The following CLDN7 variants were observed in gnomAD, a reference collection of about 807,000 sequenced individuals.
CLDN7 encodes claudin-7.
CLDN7 carries 15 observed loss-of-function variants against 20.3 expected under a neutral mutation model. The ratio of observed to expected loss-of-function variants is 0.74; its 90% CI spans 0.49 to 1.14. The LOEUF (loss-of-function observed/expected upper bound fraction) is 1.14. CLDN7 is among the 50% of genes most tolerant of loss of function. The pLI is 0.00. For missense variants in CLDN7, 261 were observed against 274.2 expected (o/e 0.95, Z 0.34); for synonymous variants, 117 against 106.1 (o/e 1.10, Z -0.63).
chr17:7,261,130 G>A, intron 1 of CLDN7, 145 bp from the exon 2 acceptor site: 1 of 1,130,422 alleles, frequency 8.8e-7, no homozygotes, highest in South Asian at 1.6e-5. Flanking sequence ...AGGTGTCCAA[G>A]ACCTGGGCCA....
Position 7,260,713 on chromosome 17 carries a change from C to G in CLDN7, c.402G>C (p.Leu134Phe). The G allele has an allele frequency of 1.9e-6, 3 of 1,614,204 alleles. No individual in the cohort carries two copies. Among genetic ancestry groups the G allele is most frequent in the Non-Finnish European group, 2.5e-6 (3 of 1,180,046 alleles). ...IIFIVAGLAA[L>F]VACSWYGHQI... is the part of the protein sequence containing the mutation. The stretch of plus-strand genomic sequence containing the variant: ...GATGGCCATACCAGGAGCAAGCTAC[C>G]AAGGCGGCAAGACCTGGAGACAGAA... Residue 134 changes from leucine to phenylalanine, a missense_variant, in exon 3 of 4, where the codon TTG becomes TTC. By Grantham distance (22) the Leu-to-Phe change is conservative (BLOSUM62 0). Around this residue, in one of 2 missense-constraint regions of CLDN7, gnomAD observed 215 missense variants for 199.6 expected, o/e 1.08. Coordinates refer to ENST00000360325, the MANE Select transcript of CLDN7 (RefSeq NM_001307.6).
At position 7,262,294 on chromosome 17, in the gene CLDN7, T is replaced by C. The variant is rs562531705; in HGVS notation, c.-251A>G. 13 of 1,372,796 alleles carry C rather than the reference T, an allele frequency of 9.5e-6. No individual in the cohort carries two copies. In the Admixed American group the frequency reaches 3.7e-4, roughly 39 times the overall value. 85.0% of individuals were successfully genotyped at this position (1,372,796 alleles called of 1,614,324 possible). On this transcript the variant is annotated 5_prime_UTR_variant, in exon 1 of 4. Transcript: ENST00000360325. The surrounding 1 kb of genome is among the most constrained non-coding windows in gnomAD (Gnocchi z 6.6). ...GCCGGGAGGGTGGTTCCAGACAAAA[T>C]TGGTGGTCCCCGAAGGCCAGGCGGT...
rs757414858 is a variant in CLDN7, at chr17:7,260,859, C to T, written c.350G>A (p.Arg117His). Residue 117 changes from arginine (R) to histidine (H), a missense_variant, in exon 2 of 4, where the codon CGT (arginine) becomes CAT (histidine). By Grantham distance (29) the Arg-to-His change is conservative. Coordinates refer to ENST00000360325, the MANE Select transcript of CLDN7 (RefSeq NM_001307.6). The part of the protein sequence containing the change: ...CGGDDKVKKA[R>H]IAMGGGIIFI... ...AATTATGCCTCCACCCATGGCTATA[C>T]GGGCCTTCTTCACTTTGTCGTCTCC... 2.5e-6 allele frequency: 4 copies of T among 1,614,238 alleles called. No individual in the cohort carries two copies. Among genetic ancestry groups the T allele is most frequent in the Admixed American group, 3.3e-5 (2 of 60,030 alleles).
At position 7,261,980 on chromosome 17, in the gene CLDN7, C is replaced by G; in HGVS notation, c.64G>C (p.Val22Leu). The stretch of plus-strand genomic sequence containing the variant: ...CACTGCGGGATGGCGGTGCAGGCCA[C>G]CAGACCCACCCAGCCCAGCAGGGCC... ...SMALLGWVGLVACTAIPQWQM... is the reference protein window; with the variant it reads ...SMALLGWVGLLACTAIPQWQM... Residue 22 changes from valine to leucine, a missense_variant, in exon 1 of 4, where the codon GTG becomes CTG. This residue lies in a region of CLDN7 where 46 missense variants were observed against 74.6 expected (regional missense o/e 0.62). Coordinates refer to ENST00000360325, the MANE Select transcript of CLDN7 (RefSeq NM_001307.6). 1 of 1,614,080 alleles carries G rather than the reference C, an allele frequency of 6.2e-7. No homozygotes were observed. The highest frequency in any genetic ancestry group is 8.5e-7 in the Non-Finnish European group (1 of 1,180,038).
Position 7,262,302 on chromosome 17 carries a change from C to T in CLDN7, c.-259G>A. 5.9e-6 allele frequency: 8 copies of T among 1,363,716 alleles called. No homozygotes were observed. Among genetic ancestry groups the T allele is most frequent in the Non-Finnish European group, 7.6e-6 (8 of 1,055,688 alleles). The allele number at this position is 1,363,716 out of a possible 1,614,324, so 84.5% of individuals were successfully genotyped here. A position where few individuals can be genotyped will look rare whatever the true frequency, so the allele number is the denominator to read the frequency against. On this transcript the variant is annotated 5_prime_UTR_variant, in exon 1 of 4. Coordinates refer to ENST00000360325, the MANE Select transcript of CLDN7 (RefSeq NM_001307.6). This position sits in a 1 kb window ranked among gnomAD's most constrained non-coding sequence, Gnocchi z 6.6. The stretch of plus-strand genomic sequence containing the variant: ...GGTGGTTCCAGACAAAATTGGTGGT[C>T]CCCGAAGGCCAGGCGGTTCCCTCCG...
chr17:7,261,708 T>A, intron 1 of CLDN7, 113 bp downstream of exon 1: 4 of 547,866 alleles, frequency 7.3e-6, no homozygotes, highest in East Asian at 9.1e-5. Context: ...TTCCTCGCCC[T>A]GCAGCTCCCC....
chr17:7,260,916 G>T lies in CLDN7; in HGVS notation c.293C>A (p.Ala98Asp). The T allele has an allele frequency of 6.2e-7, 1 of 1,614,146 alleles. No individual in the cohort carries two copies. The highest frequency in any genetic ancestry group is 1.1e-5 in the South Asian group (1 of 91,090). Residue 98 changes from alanine (A) to aspartate (D), a missense_variant, in exon 2 of 4, where the codon GCC becomes GAC. Coordinates refer to ENST00000360325, the MANE Select transcript of CLDN7 (RefSeq NM_001307.6). Reference protein sequence around the residue: ...LVLGFLAMFVATMGMKCTRCG... With the variant: ...LVLGFLAMFVDTMGMKCTRCG... Reference sequence around the variant, plus strand: ...GCGCGTGCACTTCATGCCCATCGTGGCCACAAACATGGCCAGGAAGCCCAG... The same window carrying T: ...GCGCGTGCACTTCATGCCCATCGTGTCCACAAACATGGCCAGGAAGCCCAG...
rs2143002481 is a variant in CLDN7, at chr17:7,262,153, T to C, written c.-110A>G. 1 of 1,475,008 alleles carries C rather than the reference T, an allele frequency of 6.8e-7. No homozygotes were observed. The highest frequency in any genetic ancestry group is 1.4e-5 in the South Asian group (1 of 71,866). The allele number at this position is 1,475,008 out of a possible 1,614,324, so 91.4% of individuals were successfully genotyped here. ...GAAAACTTGAGGTGGAGTTTTCCGG[T>C]CACCCAAAGAGACAAAAAGGGTTTG... On this transcript the variant is annotated 5_prime_UTR_variant, in exon 1 of 4. Coordinates refer to ENST00000360325, the MANE Select transcript of CLDN7 (RefSeq NM_001307.6). The surrounding 1 kb of genome is among the most constrained non-coding windows in gnomAD (Gnocchi z 6.6).
rs1328383401 is a variant in CLDN7 at position 7,260,974 on chromosome 17, C to T, written c.235G>A (p.Ala79Thr). ...GAGACCACCATTAGGGCTCGAGTGG[C>T]CTGCAAGGCCGCTGCGGGCGAGGGG... ...SVLALSAALQ[A>T]TRALMVVSLV... Residue 79 changes from alanine to threonine, a missense_variant, in exon 2 of 4, where the codon GCC (alanine) becomes ACC (threonine). This residue lies in a region of CLDN7 where 215 missense variants were observed against 199.6 expected (regional missense o/e 1.08). Coordinates refer to ENST00000360325, the MANE Select transcript of CLDN7 (RefSeq NM_001307.6). 6.2e-7 allele frequency: 1 copy of T among 1,611,128 alleles called. No homozygotes were observed. The highest frequency in any genetic ancestry group is 8.5e-7 in the Non-Finnish European group (1 of 1,179,574).
Position 7,260,963 on chromosome 17 carries a change from G to A in CLDN7, c.246C>T (p.Ala82=). 1 of 1,612,764 alleles carries A rather than the reference G, an allele frequency of 6.2e-7. No homozygotes were observed. The highest frequency in any genetic ancestry group is 8.5e-7 in the Non-Finnish European group (1 of 1,179,932). Residue 82 remains alanine, a synonymous_variant, in exon 2 of 4, where the codon GCC becomes GCT. Coordinates refer to ENST00000360325, the MANE Select transcript of CLDN7 (RefSeq NM_001307.6). ...ALSAALQATR[A]LMVVSLVLGF... Reference sequence around the variant, plus strand: ...CCAGCACCAGGGAGACCACCATTAGGGCTCGAGTGGCCTGCAAGGCCGCTG... The same window carrying A: ...CCAGCACCAGGGAGACCACCATTAGAGCTCGAGTGGCCTGCAAGGCCGCTG...
rs937900774 is a variant in CLDN7 at position 7,259,967 on chromosome 17, G to A, written c.*407C>T. 1.9e-5 allele frequency: 7 copies of A among 368,708 alleles called. No individual in the cohort carries two copies. Among genetic ancestry groups the A allele is most frequent in the Non-Finnish European group, 1.4e-5 (3 of 208,568 alleles). 22.8% of individuals were successfully genotyped at this position (368,708 alleles called of 1,614,324 possible). On this transcript the variant is annotated 3_prime_UTR_variant, in exon 4 of 4. Transcript: ENST00000360325. ...TACTTTGGTAGCTATTTAAATAAGA[G>A]GGGGGTGGGAATGAATGTCGAGATA... is the stretch of plus-strand genomic sequence containing the variant.
In CLDN7 at chr17:7,260,377, C is replaced by T. The variant is rs764449775; in HGVS notation, c.633G>A (p.Val211=). ...GCTGGGGCAAGGAGATCCCAGGTCACACATACTCCTTGGAAGAGTTGGACT... is the reference window on the plus strand; with the variant it reads ...GCTGGGGCAAGGAGATCCCAGGTCATACATACTCCTTGGAAGAGTTGGACT... The part of the protein sequence containing the change: ...YPKSNSSKEY[V] The change falls in exon 4 of 4, where the codon GTG becomes GTA. Residue 211 remains valine, a synonymous_variant. Coordinates refer to ENST00000360325, the MANE Select transcript of CLDN7 (RefSeq NM_001307.6). 1.2e-6 allele frequency: 2 copies of T among 1,605,904 alleles called. No homozygotes were observed. The highest frequency in any genetic ancestry group is 1.7e-6 in the Non-Finnish European group (2 of 1,175,576).
In CLDN7 at chr17:7,260,972, G is replaced by A; in HGVS notation, c.237C>T (p.Ala79=). ...GGGAGACCACCATTAGGGCTCGAGT[G>A]GCCTGCAAGGCCGCTGCGGGCGAGG... The part of the protein sequence containing the change: ...SVLALSAALQ[A]TRALMVVSLV... Residue 79 remains alanine, a synonymous_variant, in exon 2 of 4, where the codon GCC becomes GCT. Transcript: ENST00000360325. 1 of 1,611,108 alleles carries A rather than the reference G, an allele frequency of 6.2e-7. No individual in the cohort carries two copies. Among genetic ancestry groups the A allele is most frequent in the Non-Finnish European group, 8.5e-7 (1 of 1,179,548 alleles).
upstream of CLDN7, chr17:7,262,935 C>CT (rs137931761): frequency 0.14 from 21,707 of 153,736 alleles, 1,894 homozygotes; most frequent in South Asian, 0.26. The surrounding 1 kb of genome is among the most constrained non-coding windows in gnomAD (Gnocchi z 6.6). Flanking sequence ...CGCTGCTCTC[C>CT]TTTTTTTTCC....
intron 1 of CLDN7, 39 bp downstream of exon 1, chr17:7,261,782 G>T: frequency 6.2e-7 from 1 of 1,601,364 alleles, no homozygotes; most frequent in African/African-American, 1.3e-5. Flanking sequence ...CGCCACCTCG[G>T]TCAAGGGCGC....
rs1340359693 is a variant in CLDN7, at chr17:7,260,510, A to G, written c.500T>C (p.Ile167Thr). 2 of 1,613,002 alleles carry G rather than the reference A, an allele frequency of 1.2e-6. No individual in the cohort carries two copies. Among genetic ancestry groups the G allele is most frequent in the Non-Finnish European group, 1.7e-6 (2 of 1,179,426 alleles). Residue 167 changes from isoleucine to threonine, a missense_variant, in exon 4 of 4, where the codon ATT (isoleucine) becomes ACT (threonine). Ile to Thr is a moderately conservative substitution (Grantham distance 89, BLOSUM62 -1). Transcript: ENST00000360325. ...GACTAGGGCAGACCCTGCCCAGCCA[A>G]TAAAGATGGCAGGGCCAAACTCATA... ...IKYEFGPAIF[I>T]GWAGSALVIL...
intron 1 of CLDN7, 51 bp downstream of exon 1, chr17:7,261,770 C>T (rs1200770799): frequency 1.3e-6 from 2 of 1,589,640 alleles, no homozygotes; most frequent in Non-Finnish European, 1.7e-6. Flanking sequence ...CGCGCGCCAC[C>T]CCGCCACCTC....
intron 3 of CLDN7, 29 bp from the exon 4 acceptor site, chr17:7,260,565 C>T: frequency 6.2e-7 from 1 of 1,611,848 alleles, no homozygotes; most frequent in South Asian, 1.1e-5. Flanking sequence ...GGTTAGAAAC[C>T]CTGGCGTGCC....
chr17:7,262,280 G>A lies in CLDN7; in HGVS notation c.-237C>T, dbSNP rs1246532586. 7.2e-7 allele frequency: 1 copy of A among 1,392,502 alleles called. No homozygotes were observed. The highest frequency in any genetic ancestry group is 9.3e-7 in the Non-Finnish European group (1 of 1,073,958). 86.3% of individuals were successfully genotyped at this position (1,392,502 alleles called of 1,614,324 possible). ...AGGGAGTAGGATACGCCGGGAGGGT[G>A]GTTCCAGACAAAATTGGTGGTCCCC... On this transcript the variant is annotated 5_prime_UTR_variant, in exon 1 of 4. Coordinates refer to ENST00000360325, the MANE Select transcript of CLDN7 (RefSeq NM_001307.6). This position sits in a 1 kb window ranked among gnomAD's most constrained non-coding sequence, Gnocchi z 6.6.
Sources: gnomAD v4.1 joint callset for allele counts on GRCh38, gnomAD v4.1.1 for gene constraint, gnomAD v4.1.1 regional missense constraint, Gnocchi (gnomAD v3.1) non-coding constraint, MANE v1.5 for transcripts, NCBI Gene and HGNC (gene_info 2026-07-23, HGNC 2026-07-21) for gene names.